LRP11: variants seen among roughly 807,000 people sequenced by gnomAD.
LRP11 encodes low-density lipoprotein receptor-related protein 11.
In LRP11, 25 loss-of-function variants were observed where a neutral mutation model predicts 43.1. The ratio of observed to expected loss-of-function variants is 0.58; its 90% CI spans 0.42 to 0.81. LRP11 has a LOEUF of 0.81. Among genes scored for constraint, LRP11 ranks in the 30% least tolerant of loss-of-function variants. The pLI, the probability that LRP11 is intolerant of heterozygous loss-of-function variation, is 0.00. For missense variants in LRP11, 623 were observed against 665.1 expected (o/e 0.94, Z 0.70); for synonymous variants, 316 against 299.4 (o/e 1.06, Z -0.57).
chr6:149,827,826 T>C lies in LRP11; in HGVS notation c.1253-1467A>G, dbSNP rs1324484963. 6.6e-6 allele frequency among the ~76,000 whole-genome samples: 1 copy of C among 152,096 alleles called. No individual in the cohort carries two copies. Among genetic ancestry groups the C allele is most frequent in the Non-Finnish European group, 1.5e-5 (1 of 67,996 alleles). On this transcript the variant is annotated intron_variant, in intron 5 of 6. Transcript: ENST00000239367. This position sits in a 1 kb window ranked among gnomAD's most constrained non-coding sequence, Gnocchi z 4.2. ...CATAAGGGCCGCACGCAGTGGCTCA[T>C]GCCTGGCCAACATGGCAAAACCCTG...
chr6:149,843,156 C>T (rs761563259), intron 2 of LRP11, 32 bp from the exon 3 acceptor site: 2 of 1,613,304 alleles, frequency 1.2e-6, no homozygotes, highest in South Asian at 2.2e-5. Flanking sequence ...TCACGTCGAG[C>T]AGCAGACTTG....
Position 149,836,273 on chromosome 6 carries a change from G to A in LRP11, c.1064C>T (p.Thr355Ile). 1 of 1,614,150 alleles carries A rather than the reference G, an allele frequency of 6.2e-7. No homozygotes were observed. The highest frequency in any genetic ancestry group is 8.5e-7 in the Non-Finnish European group (1 of 1,180,034). The change falls in exon 5 of 7, where the codon ACC (threonine) becomes ATC (isoleucine). Residue 355 changes from threonine to isoleucine, a missense_variant. By Grantham distance (89) the Thr-to-Ile change is moderately conservative. Transcript: ENST00000239367. Reference protein sequence around the residue: ...QNLGLDRKMVTHTAASPALPR... With the variant: ...QNLGLDRKMVIHTAASPALPR... The stretch of plus-strand genomic sequence containing the variant: ...CAGGGCAGGACTAGCTGCCGTGTGG[G>A]TTACCATCTTGCGGTCCAGGCCCAC...
intron 1 of LRP11, among the ~76,000 whole-genome samples, chr6:149,861,318 C>T (rs1207088459): frequency 6.6e-6 from 1 of 152,184 alleles, no homozygotes; most frequent in African/African-American, 2.4e-5. Context: ...GCACCTTCCG[C>T]GTTTCCATGT....
Position 149,843,033 on chromosome 6 carries a change from C to T in LRP11, c.863G>A (p.Ser288Asn). 1 of 1,614,242 alleles carries T rather than the reference C, an allele frequency of 6.2e-7. No homozygotes were observed. The highest frequency in any genetic ancestry group is 2.2e-5 in the East Asian group (1 of 44,876). The change falls in exon 3 of 7, where the codon AGC (serine) becomes AAC (asparagine). Residue 288 changes from serine (S) to asparagine (N), a missense_variant. By Grantham distance (46) the Ser-to-Asn change is conservative (BLOSUM62 1). Transcript: ENST00000239367. ...CACTGTCACTGACACGTTGTCAGAG[C>T]TTCTCTGCCCGGCAGTGTCCGTCAC... ...LTVTDTAGQR[S>N]SDNVSVTVLR...
intron 1 of LRP11, among the ~76,000 whole-genome samples, chr6:149,859,644 C>T (rs960548612): frequency 2.0e-5 from 3 of 151,914 alleles, no homozygotes; most frequent in Admixed American, 6.6e-5. Context: ...AATCCACCTG[C>T]GTTGGCCTCC....
chr6:149,856,634 G>C lies in LRP11; in HGVS notation c.614-3474C>G, dbSNP rs570528433. Among the ~76,000 whole-genome samples the C allele has an allele frequency of 4.6e-5, 7 of 152,254 alleles. No individual in the cohort carries two copies. In the South Asian group the frequency reaches 1.5e-3, roughly 32 times the overall value. On this transcript the variant is annotated intron_variant, in intron 1 of 6. Transcript: ENST00000239367. ...CCATGTTAAGTACTAGGGAAACACT[G>C]GTTTCTTTTGAAAACTAAACACACT...
At chr6:149,834,566 C>T (rs1225959703) in intron 5 of LRP11, among the ~76,000 whole-genome samples, 1 of 152,244 alleles carries the variant, frequency 6.6e-6, no homozygotes, top group Non-Finnish European at 1.5e-5. Flanking sequence ...TTCACCCCTT[C>T]GGCAGTCCTG....
intron 2 of LRP11, among the ~76,000 whole-genome samples, chr6:149,851,711 A>G (rs765317995): frequency 6.6e-6 from 1 of 152,226 alleles, no homozygotes; most frequent in Non-Finnish European, 1.5e-5. Context: ...CAGATGGCAG[A>G]TGAGCCTTGG....
chr6:149,841,781 G>T (rs758044090), intron 3 of LRP11, among the ~76,000 whole-genome samples: 3 of 152,050 alleles, frequency 2.0e-5, no homozygotes, highest in Admixed American at 1.3e-4. Flanking sequence ...GCGTGGTGGT[G>T]CACACCTGTA....
intron 5 of LRP11, among the ~76,000 whole-genome samples, chr6:149,832,254 C>T (rs1173231971): frequency 6.9e-6 from 1 of 145,780 alleles, no homozygotes; most frequent in Non-Finnish European, 1.5e-5. Context: ...TGCAGTGGCG[C>T]AATCTTGGCT....
intron 2 of LRP11, among the ~76,000 whole-genome samples, chr6:149,846,953 TAATAG>T (rs71010876): frequency 0.15 from 20,151 of 131,344 alleles, 1,552 homozygotes; most frequent in East Asian, 0.25. Context: ...TAAAATAAAA[TAATAG>T]AATAGAATAG....
rs1294803321 is a variant in LRP11 at position 149,863,906 on chromosome 6, A to AGGCCGCAC, written c.107_114dup (p.Leu39ValfsTer194). On this transcript the variant is annotated frameshift_variant, in exon 1 of 7. Coordinates refer to ENST00000239367, the MANE Select transcript of LRP11 (RefSeq NM_032832.6). LOFTEE classifies it high-confidence loss of function. The stretch of plus-strand genomic sequence containing the variant: ...TCGGACAGCGGCGCCGCGGGCGGCA[A>AGGCCGCAC]GGCCGCACGGCCGCTTGGCAGCCAC... 6.7e-7 allele frequency: 1 copy of AGGCCGCAC among 1,483,996 alleles called. No individual in the cohort carries two copies. The highest frequency in any genetic ancestry group is 1.5e-5 in the African/African-American group (1 of 68,294). The allele number at this position is 1,483,996 out of a possible 1,614,324, so 91.9% of individuals were successfully genotyped here. A position where few individuals can be genotyped will look rare whatever the true frequency, so the allele number is the denominator to read the frequency against.
intron 3 of LRP11, among the ~76,000 whole-genome samples, chr6:149,839,890 T>C (rs1360771643): frequency 6.6e-6 from 1 of 152,160 alleles, no homozygotes; most frequent in African/African-American, 2.4e-5. Flanking sequence ...TAAAATATAC[T>C]CAAATTTTAA....
intron 6 of LRP11, among the ~76,000 whole-genome samples, chr6:149,824,032 C>T (rs1044275622): frequency 6.6e-6 from 1 of 152,106 alleles, no homozygotes. Flanking sequence ...TCTCCCTCCA[C>T]CTTCCTATAA....
At chr6:149,843,458 A>G (rs1397324968) in intron 2 of LRP11, among the ~76,000 whole-genome samples, 1 of 151,918 alleles carries the variant, frequency 6.6e-6, no homozygotes, top group African/African-American at 2.4e-5. Context: ...CAGGGAGAAA[A>G]TCAGGACCAT....
intron 5 of LRP11, among the ~76,000 whole-genome samples, chr6:149,829,176 TCTATGCATTCTGCTTTATCTCTCTCTC>T (rs1776376563): frequency 6.6e-6 from 1 of 152,178 alleles, no homozygotes; most frequent in Non-Finnish European, 1.5e-5. Context: ...CAAAGGAACT[TCTATGCATTCTGCTTTATCTCTCTCTC>T]CAATAATAAA....
intron 3 of LRP11, among the ~76,000 whole-genome samples, chr6:149,839,676 A>AT (rs1776519972): frequency 6.6e-6 from 1 of 152,158 alleles, no homozygotes; most frequent in Non-Finnish European, 1.5e-5. Context: ...TTTATTTGAG[A>AT]CGGAGTCTCG....
At chr6:149,841,892 T>C (rs1284396578) in intron 3 of LRP11, among the ~76,000 whole-genome samples, 1 of 151,964 alleles carries the variant, frequency 6.6e-6, no homozygotes, top group East Asian at 1.9e-4. Flanking sequence ...CACTCCAGCC[T>C]AGGCAACAAG....
intron 2 of LRP11, among the ~76,000 whole-genome samples, chr6:149,851,521 T>TC (rs1458974628): frequency 6.6e-6 from 1 of 152,228 alleles, no homozygotes; most frequent in Non-Finnish European, 1.5e-5. Context: ...TTTCTTTTTT[T>TC]CAAAGACTTC....
Sources: allele counts gnomAD v4.1 joint callset (sites outside exome capture counted in the v4.1 genomes callset), GRCh38; gene constraint gnomAD v4.1.1; non-coding constraint Gnocchi (gnomAD v3.1); transcripts MANE v1.5; gene names NCBI Gene and HGNC (gene_info 2026-07-23, HGNC 2026-07-21).